LAMA2: variants seen among roughly 807,000 people sequenced by gnomAD.
LAMA2 encodes laminin subunit alpha 2.
In LAMA2, 269 loss-of-function variants were observed where a neutral mutation model predicts 364.8. The observed-to-expected ratio is 0.74, with a 90% CI of 0.67 to 0.82. The LOEUF (loss-of-function observed/expected upper bound fraction) is 0.82. LAMA2 is among the 40% of genes least tolerant of loss of function. The pLI is 0.00. For synonymous variants in LAMA2, 1,379 were observed against 1,370.6 expected, an observed-to-expected ratio of 1.01 and a Z score of -0.14; for missense variants, 3,807 against 3,873.2, an observed-to-expected ratio of 0.98 and a Z score of 0.45.
intron 3 of LAMA2, among the ~76,000 whole-genome samples, chr6:129,071,566 T>G (rs1464962830): frequency 6.6e-6 from 1 of 152,150 alleles, no homozygotes; most frequent in Non-Finnish European, 1.5e-5. Context: ...TACATAGGGC[T>G]TTAGTTGCCT....
chr6:128,944,484 T>C (rs1486114691), intron 1 of LAMA2, among the ~76,000 whole-genome samples: 5 of 152,078 alleles, frequency 3.3e-5, no homozygotes, highest in African/African-American at 1.2e-4. Context: ...TCCTAAAGAC[T>C]GGATAATTTC....
chr6:129,115,096 A>T (rs1799559711), intron 4 of LAMA2, among the ~76,000 whole-genome samples: 1 of 152,048 alleles, frequency 6.6e-6, no homozygotes, highest in Non-Finnish European at 1.5e-5. Flanking sequence ...AGATCTATAT[A>T]CTTCCTCTAT....
intron 34 of LAMA2, among the ~76,000 whole-genome samples, chr6:129,379,755 C>T (rs1778577933): frequency 6.6e-6 from 1 of 152,170 alleles, no homozygotes; most frequent in Non-Finnish European, 1.5e-5. Flanking sequence ...GGCTCTTCTC[C>T]CAAGCTTCAA....
chr6:128,957,836 ATTTTTTTTT>A (rs10652900), intron 1 of LAMA2, among the ~76,000 whole-genome samples: 4 of 51,264 alleles, frequency 7.8e-5, no homozygotes, highest in African/African-American at 3.2e-4. Flanking sequence ...TACTTCATGC[ATTTTTTTTT>A]TTTTTTTTTT....
At chr6:129,235,351 G>A (rs1047453209) in intron 12 of LAMA2, among the ~76,000 whole-genome samples, 2 of 151,504 alleles carry the variant, frequency 1.3e-5, no homozygotes, top group Non-Finnish European at 2.9e-5. Flanking sequence ...TGCTCCCCCT[G>A]TGTCTCCCTT....
At chr6:129,225,613 G>A (rs1266358202) in intron 12 of LAMA2, among the ~76,000 whole-genome samples, 1 of 152,164 alleles carries the variant, frequency 6.6e-6, no homozygotes, top group African/African-American at 2.4e-5. Flanking sequence ...TTCAGGAACA[G>A]GTTGTTCAGT....
At chr6:129,478,858 T>A (rs759342044) in intron 54 of LAMA2, 45 bp downstream of exon 54, 15 of 1,561,788 alleles carry the variant, frequency 9.6e-6, no homozygotes, top group African/African-American at 1.4e-5. Flanking sequence ...TATATCAGAT[T>A]TCACTTACTT....
At chr6:129,485,297 G>A (rs929409548) in intron 55 of LAMA2, among the ~76,000 whole-genome samples, 1 of 152,140 alleles carries the variant, frequency 6.6e-6, no homozygotes, top group African/African-American at 2.4e-5. Context: ...TTTCAGGATA[G>A]TGCTTAAAAT....
chr6:129,459,944 GA>G (rs1222983938), intron 48 of LAMA2, among the ~76,000 whole-genome samples: 1 of 152,046 alleles, frequency 6.6e-6, no homozygotes, highest in East Asian at 1.9e-4. Context: ...TACTGATGAT[GA>G]AAACTGGTAT....
intron 1 of LAMA2, among the ~76,000 whole-genome samples, chr6:129,035,445 C>T (rs1452215488): frequency 6.7e-6 from 1 of 149,520 alleles, no homozygotes; most frequent in African/African-American, 2.4e-5. Context: ...TATTTTCTGT[C>T]ATTCTGCAGT....
chr6:129,177,569 ACTTTT>A (rs1307835640), intron 9 of LAMA2, 132 bp from the exon 10 acceptor site: 7 of 832,506 alleles, frequency 8.4e-6, no homozygotes, highest in Middle Eastern at 3.1e-4. Context: ...TTTGGTTTTA[ACTTTT>A]CTTTATTGAT....
At chr6:129,172,433 C>A (rs1001452007) in intron 9 of LAMA2, among the ~76,000 whole-genome samples, 1 of 152,106 alleles carries the variant, frequency 6.6e-6, no homozygotes, top group Non-Finnish European at 1.5e-5. Context: ...AATACCCTGC[C>A]GTGTGAGGTG....
chr6:129,258,985 A>T (rs1786913955), intron 14 of LAMA2, among the ~76,000 whole-genome samples: 1 of 152,088 alleles, frequency 6.6e-6, no homozygotes, highest in African/African-American at 2.4e-5. Context: ...ACAGGTAAAG[A>T]TAATTGCCTT....
At chr6:129,038,516 A>G (rs9375610) in intron 1 of LAMA2, among the ~76,000 whole-genome samples, 72,947 of 152,072 alleles carry the variant, frequency 0.48, 20,674 homozygotes, top group East Asian at 0.81. Flanking sequence ...AAGATGGCAG[A>G]CATCAAGGTC....
chr6:129,062,912 GT>G (rs368817743), intron 3 of LAMA2, among the ~76,000 whole-genome samples: 21,060 of 129,992 alleles, frequency 0.16, 1,609 homozygotes, highest in African/African-American at 0.22. Flanking sequence ...ATTACAGTGG[GT>G]TTTTTTTTTT....
At chr6:129,494,780 A>C (rs1785069598) in intron 58 of LAMA2, among the ~76,000 whole-genome samples, 1 of 152,200 alleles carries the variant, frequency 6.6e-6, no homozygotes, top group Non-Finnish European at 1.5e-5. Flanking sequence ...TAATTCAGCC[A>C]CAGGTTAGAT....
chr6:129,130,471 A>G (rs1035433059), intron 4 of LAMA2, among the ~76,000 whole-genome samples: 3 of 152,234 alleles, frequency 2.0e-5, no homozygotes, highest in African/African-American at 7.2e-5. Context: ...CTGATATGGA[A>G]TGGCATCTCC....
intron 51 of LAMA2, among the ~76,000 whole-genome samples, chr6:129,466,990 G>A (rs1783575935): frequency 6.6e-6 from 1 of 151,850 alleles, no homozygotes; most frequent in Non-Finnish European, 1.5e-5. Context: ...ATGCTACGGA[G>A]TCTGGTGAGC....
At chr6:129,246,387 A>G (rs903556167) in intron 12 of LAMA2, among the ~76,000 whole-genome samples, 3 of 152,218 alleles carry the variant, frequency 2.0e-5, no homozygotes, top group African/African-American at 7.2e-5. Context: ...ACCACCTTGA[A>G]TTAGTTATTG....
Sources: gnomAD v4.1 joint callset for allele counts (sites outside exome capture counted in the v4.1 genomes callset) on GRCh38, gnomAD v4.1.1 for gene constraint, MANE v1.5 for transcripts, NCBI Gene and HGNC (gene_info 2026-07-23, HGNC 2026-07-21) for gene names.